CNTN5: variants seen among roughly 807,000 people sequenced by gnomAD.
The protein encoded by CNTN5 is contactin 5, also known as contactin-5.
Under a neutral mutation model 129.1 loss-of-function variants are expected in CNTN5, and 77 were observed. The ratio of observed to expected loss-of-function variants is 0.60; its 90% CI spans 0.50 to 0.72. The LOEUF is 0.72. Among genes scored for constraint, CNTN5 ranks in the 30% least tolerant of loss-of-function variants. The probability of loss-of-function intolerance (pLI) is 0.00; values close to 1 mark genes in which losing one functional copy is unlikely to be tolerated. For synonymous variants in CNTN5, 509 were observed against 465.6 expected, an observed-to-expected ratio of 1.09 and a Z score of -1.20; for missense variants, 1,478 against 1,328.8, an observed-to-expected ratio of 1.11 and a Z score of -1.75.
At chr11:99,324,514 A>C (rs1392903238) in intron 1 of CNTN5, among the ~76,000 whole-genome samples, 1 of 152,200 alleles carries the variant, frequency 6.6e-6, no homozygotes, top group East Asian at 1.9e-4. Context: ...TTAGATTCTT[A>C]TTTGAAATAT....
chr11:99,839,862 G>T (rs1182990954), intron 4 of CNTN5, among the ~76,000 whole-genome samples: 1 of 151,970 alleles, frequency 6.6e-6, no homozygotes, highest in South Asian at 2.1e-4. Context: ...TTTATGGAGA[G>T]AACTTTTTTT....
chr11:99,740,481 G>A lies in CNTN5; in HGVS notation c.56-79063G>A, dbSNP rs138928116. 3.8e-3 allele frequency among the ~76,000 whole-genome samples: 586 copies of A among 152,280 alleles called. 3 individuals carry two copies. Among genetic ancestry groups the A allele is most frequent in the African/African-American group, 0.013 (561 of 41,556 alleles). On this transcript the variant is annotated intron_variant, in intron 3 of 24. Coordinates refer to ENST00000524871, the MANE Select transcript of CNTN5 (RefSeq NM_014361.4). The stretch of plus-strand genomic sequence containing the variant: ...AAACTCAAGTAAGAAAGCAGGAATG[G>A]AATTATCCGTTTTTGAAGTGAAAGA...
At chr11:99,261,953 A>G (rs1237472038) in intron 1 of CNTN5, among the ~76,000 whole-genome samples, 4 of 151,936 alleles carry the variant, frequency 2.6e-5, no homozygotes, top group Non-Finnish European at 5.9e-5. Flanking sequence ...CCATCTACCA[A>G]AGGAGTCTCT....
intron 13 of CNTN5, among the ~76,000 whole-genome samples, chr11:100,139,126 C>G (rs1946613636): frequency 1.3e-5 from 2 of 151,934 alleles, no homozygotes; most frequent in Admixed American, 1.3e-4. Context: ...AAGTGAGAAC[C>G]TAATATAAAT....
chr11:99,500,163 C>T (rs1946375575), intron 2 of CNTN5, among the ~76,000 whole-genome samples: 1 of 152,126 alleles, frequency 6.6e-6, no homozygotes, highest in South Asian at 2.1e-4. Flanking sequence ...AAATATTAGG[C>T]TGGCGCAAAA....
chr11:99,187,132 G>C (rs1403208430), intron 1 of CNTN5, among the ~76,000 whole-genome samples: 2 of 152,036 alleles, frequency 1.3e-5, no homozygotes, highest in East Asian at 3.9e-4. Flanking sequence ...CGTGTATCCA[G>C]TGATAAATCC....
chr11:100,058,933 A>G (rs910045249), intron 9 of CNTN5, among the ~76,000 whole-genome samples: 3 of 152,164 alleles, frequency 2.0e-5, no homozygotes, highest in Admixed American at 1.3e-4. Flanking sequence ...GATGAGTAGC[A>G]TTTTAGCAGA....
At chr11:99,043,413 AC>A (rs1864084759) in intron 1 of CNTN5, among the ~76,000 whole-genome samples, 1 of 151,758 alleles carries the variant, frequency 6.6e-6, no homozygotes, top group South Asian at 2.1e-4. Flanking sequence ...GTGCACATGT[AC>A]CCTAAAACTT....
intron 6 of CNTN5, among the ~76,000 whole-genome samples, chr11:99,913,241 T>A (rs1237416299): frequency 1.3e-5 from 2 of 152,010 alleles, no homozygotes; most frequent in African/African-American, 4.8e-5. Flanking sequence ...GGCTATTCAG[T>A]CTAACCACCA....
At chr11:100,299,845 C>T (rs1178526355) in intron 20 of CNTN5, among the ~76,000 whole-genome samples, 1 of 151,428 alleles carries the variant, frequency 6.6e-6, no homozygotes, top group Admixed American at 6.6e-5. Flanking sequence ...AAGGAAGTTT[C>T]AGACAGGGCT....
intron 24 of CNTN5, among the ~76,000 whole-genome samples, chr11:100,354,879 T>G (rs1952489002): frequency 6.6e-6 from 1 of 151,500 alleles, no homozygotes; most frequent in African/African-American, 2.4e-5. Flanking sequence ...GATAAAAAAA[T>G]GGTATACCTC....
At chr11:99,804,729 A>T (rs573470305) in intron 3 of CNTN5, among the ~76,000 whole-genome samples, 1 of 151,388 alleles carries the variant, frequency 6.6e-6, no homozygotes, top group Non-Finnish European at 1.5e-5. Context: ...AAATAAATGT[A>T]TATACTAAAT....
intron 2 of CNTN5, among the ~76,000 whole-genome samples, chr11:99,420,532 C>T (rs1197184270): frequency 3.9e-5 from 6 of 152,144 alleles, no homozygotes; most frequent in Non-Finnish European, 8.8e-5. Flanking sequence ...TTCTACAGCT[C>T]AAATTCTGGC....
At chr11:99,606,528 T>TAATTTACAGA (rs2135715522) in intron 3 of CNTN5, among the ~76,000 whole-genome samples, 1 of 142,884 alleles carries the variant, frequency 7.0e-6, no homozygotes, top group African/African-American at 2.6e-5. Flanking sequence ...CTGCCCAAGG[T>TAATTTACAGA]AATTTACAGA....
At chr11:99,213,675 T>C (rs1859959809) in intron 1 of CNTN5, among the ~76,000 whole-genome samples, 3 of 151,984 alleles carry the variant, frequency 2.0e-5, no homozygotes, top group Non-Finnish European at 4.4e-5. Flanking sequence ...AATTAAAGTA[T>C]TACAGAATGT....
chr11:99,813,237 CT>C (rs1286019788), intron 3 of CNTN5, among the ~76,000 whole-genome samples: 1 of 152,140 alleles, frequency 6.6e-6, no homozygotes, highest in African/African-American at 2.4e-5. Flanking sequence ...TACAAGGAGT[CT>C]GGTCCAGACC....
chr11:99,024,391 T>C (rs1324111854), intron 1 of CNTN5, among the ~76,000 whole-genome samples: 3 of 152,158 alleles, frequency 2.0e-5, no homozygotes, highest in African/African-American at 7.2e-5. Context: ...AAAAGCAATT[T>C]TTAAAGGGAA....
chr11:99,153,268 A>T (rs941475762), intron 1 of CNTN5, among the ~76,000 whole-genome samples: 1 of 152,094 alleles, frequency 6.6e-6, no homozygotes, highest in Non-Finnish European at 1.5e-5. Flanking sequence ...TTCTTCTTTC[A>T]GTGAATTGTA....
chr11:99,629,063 T>G (rs535267936), intron 3 of CNTN5, among the ~76,000 whole-genome samples: 1 of 152,094 alleles, frequency 6.6e-6, no homozygotes, highest in East Asian at 1.9e-4. Context: ...TTTGCCTTAC[T>G]AAATACTCAC....
Sources: allele counts gnomAD v4.1 joint callset (sites outside exome capture counted in the v4.1 genomes callset), GRCh38; gene constraint gnomAD v4.1.1; transcripts MANE v1.5; gene names NCBI Gene and HGNC (gene_info 2026-07-23, HGNC 2026-07-21).